DLGAP1: variants seen among roughly 807,000 people sequenced by gnomAD.
The protein encoded by DLGAP1 is DLG associated protein 1, also known as disks large-associated protein 1.
A neutral mutation model predicts 90.8 loss-of-function variants in DLGAP1; 11 were observed. The observed-to-expected ratio is 0.12, with a 90% CI of 0.08 to 0.20. The LOEUF is 0.20. DLGAP1 is among the 10% of genes least tolerant of loss of function. The pLI is 1.00. For missense variants in DLGAP1, 1,050 were observed against 1,333.8 expected, an observed-to-expected ratio of 0.79 and a Z score of 3.31; for synonymous variants, 558 against 540.7, an observed-to-expected ratio of 1.03 and a Z score of -0.44.
intron 7 of DLGAP1, among the ~76,000 whole-genome samples, chr18:3,620,294 T>C (rs2058047998): frequency 1.3e-5 from 2 of 151,988 alleles, no homozygotes; most frequent in South Asian, 2.1e-4. Flanking sequence ...GCTTTGCAGA[T>C]GGAGGAAGGG....
At chr18:3,551,408 C>G (rs1365310154) in intron 9 of DLGAP1, among the ~76,000 whole-genome samples, 1 of 151,624 alleles carries the variant, frequency 6.6e-6, no homozygotes, top group Non-Finnish European at 1.5e-5. Flanking sequence ...ACCATCATGA[C>G]CAGCTAATTT....
intron 3 of DLGAP1, among the ~76,000 whole-genome samples, chr18:4,003,062 C>T (rs2074228488): frequency 6.6e-6 from 1 of 152,170 alleles, no homozygotes; most frequent in Admixed American, 6.5e-5. Flanking sequence ...TCCTTTCCTC[C>T]CCTAAGAAGC....
chr18:4,199,323 T>C (rs1038706908), intron 1 of DLGAP1, among the ~76,000 whole-genome samples: 2 of 152,258 alleles, frequency 1.3e-5, no homozygotes, highest in African/African-American at 4.8e-5. Context: ...GCAAGCATAT[T>C]ATATCAACGT....
chr18:3,811,729 T>C (rs998696064), intron 5 of DLGAP1, among the ~76,000 whole-genome samples: 1 of 152,238 alleles, frequency 6.6e-6, no homozygotes, highest in East Asian at 1.9e-4. Context: ...GTCACAAAAA[T>C]ACGGTCCAGG....
intron 1 of DLGAP1, among the ~76,000 whole-genome samples, chr18:4,177,721 G>A (rs890762367): frequency 1.3e-5 from 2 of 151,946 alleles, no homozygotes; most frequent in Non-Finnish European, 2.9e-5. Flanking sequence ...TGCAGTATTT[G>A]TTTTTTTGTT....
intron 3 of DLGAP1, chr18:3,977,609 T>C (rs2073621755): frequency 4.6e-6 from 1 of 219,032 alleles, no homozygotes; most frequent in South Asian, 6.6e-5. Flanking sequence ...TCTCTTCCTC[T>C]TGTGCTCTCG....
At chr18:4,268,339 A>C (rs2079176672) in intron 1 of DLGAP1, among the ~76,000 whole-genome samples, 1 of 152,236 alleles carries the variant, frequency 6.6e-6, no homozygotes, top group African/African-American at 2.4e-5. Context: ...TAATAATTTT[A>C]TTCTACAGTG....
At chr18:4,109,565 G>A (rs2075934791) in intron 2 of DLGAP1, among the ~76,000 whole-genome samples, 1 of 151,950 alleles carries the variant, frequency 6.6e-6, no homozygotes, top group Admixed American at 6.6e-5. Context: ...AGCTCTTGAT[G>A]CTGGAAGGAA....
At chr18:3,796,236 C>G (rs2065985348) in intron 5 of DLGAP1, among the ~76,000 whole-genome samples, 1 of 152,184 alleles carries the variant, frequency 6.6e-6, no homozygotes, top group Non-Finnish European at 1.5e-5. Context: ...CCTGGGAAAT[C>G]TTCCATAGTG....
At position 4,082,510 on chromosome 18, in the gene DLGAP1, C is replaced by CAAAA. The variant is rs59735494; in HGVS notation, c.-159+68666_-159+68669dup. 3.7e-3 allele frequency among the ~76,000 whole-genome samples: 195 copies of CAAAA among 52,078 alleles called. 13 individuals carry two copies. Among genetic ancestry groups the CAAAA allele is most frequent in the South Asian group, 0.015 (14 of 946 alleles). 34.2% of individuals were successfully genotyped at this position (52,078 alleles called of 152,430 possible). On this transcript the variant is annotated intron_variant, in intron 2 of 12. Transcript: ENST00000315677. Reference sequence around the variant, plus strand: ...TGGGTGACAGAGTGAGACTTTGTCTCAAAAAAAAAAAAAAAAAAAAAAAAG... The same window carrying CAAAA: ...TGGGTGACAGAGTGAGACTTTGTCTCAAAAAAAAAAAAAAAAAAAAAAAAAAAAG...
chr18:4,088,307 T>A (rs2075717079), intron 2 of DLGAP1, among the ~76,000 whole-genome samples: 1 of 152,184 alleles, frequency 6.6e-6, no homozygotes, highest in East Asian at 1.9e-4. Context: ...AAATTTTACC[T>A]TTACATATGC....
At chr18:3,550,263 T>A (rs928021650) in intron 9 of DLGAP1, among the ~76,000 whole-genome samples, 1 of 152,176 alleles carries the variant, frequency 6.6e-6, no homozygotes, top group Non-Finnish European at 1.5e-5. Flanking sequence ...TATCACTGTG[T>A]CACCTAGGCT....
intron 2 of DLGAP1, among the ~76,000 whole-genome samples, chr18:4,114,914 C>T (rs930012034): frequency 1.3e-5 from 2 of 151,970 alleles, no homozygotes; most frequent in Non-Finnish European, 2.9e-5. Flanking sequence ...ATAGTCTCTG[C>T]CTTTTGATTG....
intron 3 of DLGAP1, chr18:3,995,453 G>C (rs1009330471): frequency 6.6e-6 from 1 of 152,114 alleles, no homozygotes; most frequent in Non-Finnish European, 1.5e-5. Flanking sequence ...AGAAAATTCC[G>C]TAAGAAAGAC....
chr18:3,511,283 TTTTTGTTTTG>T lies in DLGAP1; in HGVS notation c.2480-2632_2480-2623del, dbSNP rs145837331. 5.3e-5 allele frequency among the ~76,000 whole-genome samples: 8 copies of T among 151,554 alleles called. No homozygotes were observed. The East Asian group carries it at 9.7e-4, about 18-fold the overall frequency. On this transcript the variant is annotated intron_variant, in intron 10 of 12. Transcript: ENST00000315677. ...AAGAAAGAAGCTGTAATGGAGGTTT[TTTTTGTTTTG>T]TTTTGTTTTGTTTTATTTTTTTTCC...
At chr18:4,223,281 C>A (rs73942722) in intron 1 of DLGAP1, among the ~76,000 whole-genome samples, 2 of 151,920 alleles carry the variant, frequency 1.3e-5, no homozygotes, top group Non-Finnish European at 2.9e-5. Flanking sequence ...CATGTTTATG[C>A]AGGAATAAAA....
chr18:4,330,456 T>C (rs1378072735), intron 1 of DLGAP1, among the ~76,000 whole-genome samples: 1 of 151,848 alleles, frequency 6.6e-6, no homozygotes, highest in Non-Finnish European at 1.5e-5. Context: ...GACAGAAACT[T>C]AGACCATTGA....
intron 1 of DLGAP1, among the ~76,000 whole-genome samples, chr18:4,178,596 T>C (rs571752485): frequency 6.6e-6 from 1 of 152,262 alleles, no homozygotes; most frequent in African/African-American, 2.4e-5. Flanking sequence ...TAAATATTTT[T>C]TCATACCCAT....
chr18:3,900,485 A>G (rs1296805447), intron 3 of DLGAP1, among the ~76,000 whole-genome samples: 1 of 152,210 alleles, frequency 6.6e-6, no homozygotes, highest in Non-Finnish European at 1.5e-5. Context: ...CCTAACGAGA[A>G]TTCTTTAACA....
Sources: gnomAD v4.1 joint callset for allele counts (sites outside exome capture counted in the v4.1 genomes callset) on GRCh38, gnomAD v4.1.1 for gene constraint, MANE v1.5 for transcripts, NCBI Gene and HGNC (gene_info 2026-07-23, HGNC 2026-07-21) for gene names.